Variants in CAMK2D observed in about 807,000 individuals in gnomAD.
CAMK2D encodes calcium/calmodulin dependent protein kinase II delta.
CAMK2D carries 37 observed loss-of-function variants against 84.0 expected under a neutral mutation model. The ratio of observed to expected loss-of-function variants is 0.44; its 90% confidence interval spans 0.34 to 0.58. The LOEUF (loss-of-function observed/expected upper bound fraction) is 0.58, where lower values mean the gene tolerates loss of function less well. CAMK2D is among the 20% of genes least tolerant of loss of function. The probability of loss-of-function intolerance (pLI) is 0.02; values close to 1 mark genes in which losing one functional copy is unlikely to be tolerated. For missense variants in CAMK2D, 448 were observed against 652.5 expected (o/e 0.69, Z 3.41); for synonymous variants, 202 against 212.5 (o/e 0.95, Z 0.43).
chr4:113,705,326 C>CAAAA (rs34325573), intron 2 of CAMK2D, among the ~76,000 whole-genome samples: 1 of 91,112 alleles, frequency 1.1e-5, no homozygotes, highest in Non-Finnish European at 2.4e-5. Context: ...GACTCCATCT[C>CAAAA]AAAAAAAAAA....
intron 2 of CAMK2D, among the ~76,000 whole-genome samples, chr4:113,732,636 AG>A (rs2099571959): frequency 6.6e-6 from 1 of 152,202 alleles, no homozygotes; most frequent in South Asian, 2.1e-4. Flanking sequence ...GACCTCTAGG[AG>A]TAATTCAATG....
At chr4:113,614,759 A>G (rs1346290413) in intron 3 of CAMK2D, among the ~76,000 whole-genome samples, 1 of 152,184 alleles carries the variant, frequency 6.6e-6, no homozygotes, top group African/African-American at 2.4e-5. Context: ...CTAACAATAG[A>G]TAAATAAACA....
At chr4:113,537,805 A>G (rs987867667) in intron 6 of CAMK2D, among the ~76,000 whole-genome samples, 1 of 152,220 alleles carries the variant, frequency 6.6e-6, no homozygotes, top group Non-Finnish European at 1.5e-5. Flanking sequence ...CAGAGCAGAC[A>G]TTTTCAGCAG....
In CAMK2D at chr4:113,761,592, G is replaced by C. The variant is rs891819224; in HGVS notation, c.-524C>G. ...GGCCGCTGTCAGCAGGCTCAGGCGC[G>C]GGGCGCGCCGGGGCTCCGACGAGCG... On this transcript the variant is annotated 5_prime_UTR_variant, in exon 1 of 21. Coordinates refer to ENST00000511664, the MANE Select transcript of CAMK2D (RefSeq NM_001321571.2). The C allele has an allele frequency of 2.0e-6, 2 of 984,974 alleles. No individual in the cohort carries two copies. The highest frequency in any genetic ancestry group is 1.1e-4 in the East Asian group (1 of 8,796). 61.0% of individuals were successfully genotyped at this position (984,974 alleles called of 1,614,324 possible).
intron 20 of CAMK2D, among the ~76,000 whole-genome samples, 191 bp from the exon 21 acceptor site, chr4:113,454,706 TATTAA>T (rs1004444499): frequency 6.6e-6 from 1 of 152,074 alleles, no homozygotes; most frequent in African/African-American, 2.4e-5. Flanking sequence ...ACAAAGAGAG[TATTAA>T]ATTAGAAGAT....
At chr4:113,515,305 T>C (rs2098270502) in intron 9 of CAMK2D, 114 bp from the exon 10 acceptor site, 1 of 664,432 alleles carries the variant, frequency 1.5e-6, no homozygotes, top group Non-Finnish European at 2.5e-6. Context: ...ATAAATTTAC[T>C]TTTTATATAA....
intron 8 of CAMK2D, among the ~76,000 whole-genome samples, chr4:113,522,446 CAACT>C (rs1244288249): frequency 6.6e-6 from 1 of 151,432 alleles, no homozygotes; most frequent in African/African-American, 2.5e-5. Context: ...AGAAAGTGCT[CAACT>C]AACACTCTGA....
chr4:113,643,096 G>A (rs1258547753), intron 3 of CAMK2D, among the ~76,000 whole-genome samples: 1 of 152,138 alleles, frequency 6.6e-6, no homozygotes, highest in Non-Finnish European at 1.5e-5. Context: ...ATCAAGATTA[G>A]AAATTAAACA....
At chr4:113,738,104 T>C (rs1334032413) in intron 2 of CAMK2D, among the ~76,000 whole-genome samples, 2 of 151,996 alleles carry the variant, frequency 1.3e-5, no homozygotes, top group Admixed American at 1.3e-4. Context: ...CTTGCTAATG[T>C]TAGAAATCAA....
In CAMK2D at chr4:113,556,327, T is replaced by G. The variant is rs554404722; in HGVS notation, c.276-4231A>C. Among the ~76,000 whole-genome samples, 186 of 152,246 alleles carry G rather than the reference T, an allele frequency of 1.2e-3. 2 individuals carry two copies. Among genetic ancestry groups the G allele is most frequent in the African/African-American group, 4.4e-3 (181 of 41,556 alleles). The stretch of plus-strand genomic sequence containing the variant: ...CTACTAGCTTGCCCCTTGGACACAA[T>G]TTGGGGAGCAGAGAAGGGTAAGACA... On this transcript the variant is annotated intron_variant, in intron 4 of 20. Transcript: ENST00000511664.
chr4:113,524,832 C>G (rs72905985), intron 8 of CAMK2D, among the ~76,000 whole-genome samples: 1 of 152,136 alleles, frequency 6.6e-6, no homozygotes, highest in Non-Finnish European at 1.5e-5. Flanking sequence ...AAATTTAAGA[C>G]AGTGTGTAAG....
At chr4:113,744,177 C>T (rs564808383) in intron 2 of CAMK2D, among the ~76,000 whole-genome samples, 20 of 152,248 alleles carry the variant, frequency 1.3e-4, no homozygotes, top group African/African-American at 3.4e-4. Context: ...TTCATGTTAT[C>T]GCCATTTGTT....
intron 2 of CAMK2D, among the ~76,000 whole-genome samples, chr4:113,676,517 T>A (rs75816265): frequency 0.075 from 11,419 of 152,282 alleles, 498 homozygotes; most frequent in Non-Finnish European, 0.097. Context: ...ATGCACTCTT[T>A]GACCCTGTCA....
intron 2 of CAMK2D, among the ~76,000 whole-genome samples, chr4:113,753,436 T>C (rs1398342697): frequency 6.6e-5 from 10 of 151,952 alleles, no homozygotes; most frequent in African/African-American, 1.7e-4. Flanking sequence ...TGTGTGTAAT[T>C]ACAATGATAG....
At chr4:113,519,537 A>G (rs75371248) in intron 8 of CAMK2D, among the ~76,000 whole-genome samples, 9,424 of 152,170 alleles carry the variant, frequency 0.062, 581 homozygotes, top group East Asian at 0.21. Flanking sequence ...AAAACATATT[A>G]TAGGTGCTAT....
At chr4:113,692,431 T>C (rs2099389556) in intron 2 of CAMK2D, among the ~76,000 whole-genome samples, 2 of 152,108 alleles carry the variant, frequency 1.3e-5, no homozygotes, top group South Asian at 4.1e-4. Flanking sequence ...AAAACATACA[T>C]GCACAAAATA....
intron 2 of CAMK2D, among the ~76,000 whole-genome samples, chr4:113,718,902 A>G (rs1211508902): frequency 6.6e-6 from 1 of 152,214 alleles, no homozygotes; most frequent in African/African-American, 2.4e-5. Context: ...ACAAAAGGAT[A>G]TAGTGACAAA....
chr4:113,517,468 A>C lies in CAMK2D; in HGVS notation c.696+95T>G, dbSNP rs573328684. On this transcript the variant is annotated intron_variant, in intron 9 of 20. Transcript: ENST00000511664. Reference sequence around the variant, plus strand: ...GGAAATAATATGAGAAAGTGGTAAAAATTATGGTTAAAAGAAAAATGAAAA... The same window carrying C: ...GGAAATAATATGAGAAAGTGGTAAACATTATGGTTAAAAGAAAAATGAAAA... The C allele has an allele frequency of 1.1e-5, 6 of 562,620 alleles. No individual in the cohort carries two copies. The East Asian group carries it at 1.6e-4, about 15-fold the overall frequency. 34.9% of individuals were successfully genotyped at this position (562,620 alleles called of 1,614,324 possible).
At chr4:113,717,796 A>G in intron 2 of CAMK2D, among the ~76,000 whole-genome samples, 1 of 152,096 alleles carries the variant, frequency 6.6e-6, no homozygotes, top group East Asian at 1.9e-4. Context: ...TACTTACAGA[A>G]TTATATTAAT....
Sources: allele counts gnomAD v4.1 joint callset (sites outside exome capture counted in the v4.1 genomes callset), GRCh38; gene constraint gnomAD v4.1.1; transcripts MANE v1.5; gene names NCBI Gene and HGNC (gene_info 2026-07-23, HGNC 2026-07-21).